Variants in CACNA1C observed in about 807,000 individuals in gnomAD.
CACNA1C encodes calcium voltage-gated channel subunit alpha1 C, also known as voltage-dependent L-type calcium channel subunit alpha-1C.
In CACNA1C, 30 loss-of-function variants were observed where a neutral mutation model predicts 229.0. The observed-to-expected ratio is 0.13, with a 90% CI of 0.10 to 0.18. CACNA1C has a LOEUF of 0.18. Ranked by LOEUF, CACNA1C falls within the 10% of genes least tolerant of loss-of-function variation. The probability of loss-of-function intolerance (pLI) is 1.00; values close to 1 mark genes in which losing one functional copy is unlikely to be tolerated. For synonymous variants in CACNA1C, 1,114 were observed against 1,132.5 expected, an observed-to-expected ratio of 0.98 and a Z score of 0.33; for missense variants, 1,658 against 2,845.0, an observed-to-expected ratio of 0.58 and a Z score of 9.49.
intron 3 of CACNA1C, among the ~76,000 whole-genome samples, chr12:2,376,990 TGTCAC>T (rs1406252842): frequency 1.3e-5 from 2 of 152,122 alleles, no homozygotes; most frequent in African/African-American, 2.4e-5. Flanking sequence ...CTGCTGCTGT[TGTCAC>T]GTTCTGTGCT....
chr12:2,401,029 C>T (rs1211733014), intron 3 of CACNA1C, among the ~76,000 whole-genome samples: 6 of 152,196 alleles, frequency 3.9e-5, no homozygotes, highest in Admixed American at 1.3e-4. Flanking sequence ...CTCCCCATCT[C>T]GGCCTAGAAG....
chr12:2,206,084 T>C (rs1261912193), intron 3 of CACNA1C, among the ~76,000 whole-genome samples: 2 of 152,066 alleles, frequency 1.3e-5, no homozygotes, highest in African/African-American at 2.4e-5. Context: ...GGAATTACCC[T>C]GATTTGAGGA....
chr12:2,608,573 T>A lies in CACNA1C; in HGVS notation c.3419T>A (p.Val1140Glu), dbSNP rs1717453035. The A allele has an allele frequency of 6.2e-7, 1 of 1,613,822 alleles. No homozygotes were observed. Among genetic ancestry groups the A allele is most frequent in the Non-Finnish European group, 8.5e-7 (1 of 1,179,866 alleles). The part of the protein sequence containing the change: ...EDKGPIYNYR[V>E]EISIFFIIYI... ...AAGGGCCCCATCTACAACTACCGTG[T>A]GGAGATCTCCATCTTCTTCATCATC... is the stretch of plus-strand genomic sequence containing the variant. Residue 1140 changes from valine (V) to glutamate (E), a missense_variant, in exon 27 of 47, where the codon GTG (valine) becomes GAG (glutamate). By Grantham distance (121) the Val-to-Glu change is moderately radical (BLOSUM62 -2). Around this residue, in one of 20 missense-constraint regions of CACNA1C, gnomAD observed 77 missense variants for 130.9 expected, o/e 0.59. Transcript: ENST00000399655. The surrounding 1 kb of genome is among the most constrained non-coding windows in gnomAD (Gnocchi z 4.2).
At chr12:2,685,627 C>T (rs868146527) in intron 43 of CACNA1C, 109 bp from the exon 44 acceptor site, 17 of 771,452 alleles carry the variant, frequency 2.2e-5, no homozygotes, top group Non-Finnish European at 3.0e-5. Flanking sequence ...ACAAAGTGTG[C>T]GTCCCTTCAC....
chr12:2,433,652 T>G (rs1042979732), intron 3 of CACNA1C, among the ~76,000 whole-genome samples: 2 of 140,720 alleles, frequency 1.4e-5, no homozygotes, highest in Non-Finnish European at 3.1e-5. Context: ...TGAGGCTCAG[T>G]CCCTCCATTG....
chr12:2,304,894 C>T lies in CACNA1C; in HGVS notation c.478-144082C>T, dbSNP rs182270128. Among the ~76,000 whole-genome samples the T allele has an allele frequency of 1.9e-3, 287 of 152,240 alleles. 7 individuals are homozygous for T. Among genetic ancestry groups the T allele is most frequent in the Non-Finnish European group, 3.8e-4 (26 of 68,002 alleles). Reference sequence around the variant, plus strand: ...AGCAGAGGGTTTGGGTGAGAAAAGCCGCCATGCCCGGGGGCTTTATGTTTT... The same window carrying T: ...AGCAGAGGGTTTGGGTGAGAAAAGCTGCCATGCCCGGGGGCTTTATGTTTT... On this transcript the variant is annotated intron_variant, in intron 3 of 46. Transcript: ENST00000399655.
chr12:2,382,738 TG>T (rs2098279172), intron 3 of CACNA1C, among the ~76,000 whole-genome samples: 2 of 152,204 alleles, frequency 1.3e-5, no homozygotes, highest in African/African-American at 4.8e-5. Context: ...TATTTTGCCC[TG>T]GGCACCCTTT....
intron 3 of CACNA1C, among the ~76,000 whole-genome samples, chr12:2,232,283 T>G (rs1158021462): frequency 6.7e-6 from 1 of 150,188 alleles, no homozygotes; most frequent in Non-Finnish European, 1.5e-5. Context: ...TTAATGACTT[T>G]GACACTTTTG....
chr12:2,239,419 G>A lies in CACNA1C; in HGVS notation c.477+118989G>A, dbSNP rs529611431. On this transcript the variant is annotated intron_variant, in intron 3 of 46. Transcript: ENST00000399655. ...GGGAGACACAGCTGGGGCACTGCTG[G>A]AGGAAGGGTCAGCTGCACAGACCTC... Among the ~76,000 whole-genome samples the A allele has an allele frequency of 1.4e-3, 215 of 152,186 alleles. 1 individual carries two copies. The highest frequency in any genetic ancestry group is 1.3e-3 in the Non-Finnish European group (87 of 67,990).
intron 3 of CACNA1C, among the ~76,000 whole-genome samples, chr12:2,345,338 A>G (rs1305014240): frequency 6.6e-6 from 1 of 151,946 alleles, no homozygotes; most frequent in East Asian, 1.9e-4. Context: ...TGGTAGCTGG[A>G]TTGCGAAGAG....
At chr12:2,373,405 G>A (rs913837704) in intron 3 of CACNA1C, among the ~76,000 whole-genome samples, 1 of 152,130 alleles carries the variant, frequency 6.6e-6, no homozygotes, top group African/African-American at 2.4e-5. Flanking sequence ...ATATACAATG[G>A]GGAGTTTTGG....
chr12:2,522,629 C>T (rs1224698586), intron 9 of CACNA1C, among the ~76,000 whole-genome samples: 1 of 152,130 alleles, frequency 6.6e-6, no homozygotes, highest in African/African-American at 2.4e-5. Flanking sequence ...CACATACTCC[C>T]CGTAGGAGGG....
intron 3 of CACNA1C, among the ~76,000 whole-genome samples, chr12:2,435,843 G>A (rs1460197399): frequency 2.6e-5 from 4 of 152,170 alleles, no homozygotes. Flanking sequence ...GGTCTTGCAC[G>A]CTTGCTGAAT....
chr12:2,268,814 A>G (rs1251370375), intron 3 of CACNA1C, among the ~76,000 whole-genome samples: 2 of 152,248 alleles, frequency 1.3e-5, no homozygotes, highest in Non-Finnish European at 2.9e-5. Flanking sequence ...GGCAAGGGAT[A>G]GAACGAGATG....
upstream of CACNA1C, chr12:2,049,471 C>T (rs1224411608): frequency 6.6e-6 from 1 of 152,184 alleles, no homozygotes; most frequent in African/African-American, 2.4e-5. Context: ...AAATTCAGTG[C>T]ACTCTTAATT....
chr12:2,627,857 C>T (rs922109480), intron 29 of CACNA1C, among the ~76,000 whole-genome samples: 3 of 152,294 alleles, frequency 2.0e-5, no homozygotes, highest in East Asian at 1.9e-4. Flanking sequence ...CCAGCCAGCA[C>T]GCTCCGTGAC....
Position 2,679,722 on chromosome 12 carries a change from T to C in CACNA1C, c.5370T>C (p.Thr1790=). Residue 1790 remains threonine, a synonymous_variant, in exon 42 of 47, where the codon ACT becomes ACC. Coordinates refer to ENST00000399655, the MANE Select transcript of CACNA1C (RefSeq NM_000719.7). The surrounding 1 kb of genome is among the most constrained non-coding windows in gnomAD (Gnocchi z 5.5). Reference sequence around the variant, plus strand: ...CCGGCTACCCCAGCACGGTCAGCACTGTGGAGGGCCACGGGCCCCCCTTGT... The same window carrying C: ...CCGGCTACCCCAGCACGGTCAGCACCGTGGAGGGCCACGGGCCCCCCTTGT... ...RPAGYPSTVS[T]VEGHGPPLSP... is the part of the protein sequence containing the mutation. The C allele has an allele frequency of 6.2e-7, 1 of 1,608,066 alleles. No homozygotes were observed. Among genetic ancestry groups the C allele is most frequent in the Non-Finnish European group, 8.5e-7 (1 of 1,177,298 alleles).
intron 3 of CACNA1C, among the ~76,000 whole-genome samples, chr12:2,409,592 A>C (rs1027466181): frequency 6.6e-6 from 1 of 152,214 alleles, no homozygotes; most frequent in African/African-American, 2.4e-5. Context: ...TTTGTTGGCA[A>C]TTGTGCTTGA....
chr12:2,457,457 T>G, intron 4 of CACNA1C, 110 bp from the exon 5 acceptor site: 1 of 1,177,350 alleles, frequency 8.5e-7, no homozygotes, highest in Non-Finnish European at 1.2e-6. Flanking sequence ...GCCCCTGGGC[T>G]GGAGACGCCT....
Sources: allele counts gnomAD v4.1 joint callset (sites outside exome capture counted in the v4.1 genomes callset), GRCh38; gene constraint gnomAD v4.1.1; regional missense constraint gnomAD v4.1.1; non-coding constraint Gnocchi (gnomAD v3.1); transcripts MANE v1.5; gene names NCBI Gene and HGNC (gene_info 2026-07-23, HGNC 2026-07-21).